RNF150: variants seen among roughly 807,000 people sequenced by gnomAD.
RNF150 encodes the protein ring finger protein 150.
A neutral mutation model predicts 39.3 loss-of-function variants in RNF150; 24 were observed. The observed-to-expected ratio is 0.61, with a 90% CI of 0.44 to 0.86. RNF150 has a LOEUF of 0.86. Ranked by LOEUF, RNF150 falls within the 40% of genes least tolerant of loss-of-function variation. The pLI, the probability that RNF150 is intolerant of heterozygous loss-of-function variation, is 0.00. For missense variants in RNF150, 502 were observed against 587.8 expected (o/e 0.85, Z 1.51); for synonymous variants, 255 against 227.3 (o/e 1.12, Z -1.10).
At chr4:140,900,658 CAA>C (rs1289132090) in intron 6 of RNF150, among the ~76,000 whole-genome samples, 3 of 152,086 alleles carry the variant, frequency 2.0e-5, no homozygotes, top group Admixed American at 2.0e-4. Flanking sequence ...TGGAAACTGA[CAA>C]AGATACCTTG....
intron 1 of RNF150, among the ~76,000 whole-genome samples, chr4:141,179,418 C>T (rs1297673835): frequency 6.6e-6 from 1 of 152,148 alleles, no homozygotes; most frequent in Non-Finnish European, 1.5e-5. Context: ...AAGAAAAGTT[C>T]ATTTGATTGT....
chr4:141,099,467 T>C (rs983671525), intron 1 of RNF150, among the ~76,000 whole-genome samples: 10 of 151,882 alleles, frequency 6.6e-5, no homozygotes, highest in African/African-American at 2.4e-4. Flanking sequence ...GGAAACAAAA[T>C]TGGACTCTGT....
intron 2 of RNF150, among the ~76,000 whole-genome samples, chr4:140,956,346 G>A (rs1490613869): frequency 1.3e-5 from 2 of 152,128 alleles, no homozygotes; most frequent in Non-Finnish European, 2.9e-5. Context: ...GCACCTCTAG[G>A]GAATGAGGGG....
Position 141,167,928 on chromosome 4 carries a change from C to T in RNF150, c.-6+44866G>A, listed in dbSNP as rs1578777279. 2.0e-5 allele frequency among the ~76,000 whole-genome samples: 3 copies of T among 152,166 alleles called. No individual in the cohort carries two copies. In the East Asian group the frequency reaches 5.8e-4, roughly 29 times the overall value. ...ACGCCAAAAGCAATGGCAACAAAAG[C>T]CAAAATTGACAAATGGGATCTAATT... On this transcript the variant is annotated intron_variant, in intron 1 of 7. Transcript: ENST00000420921.
intron 1 of RNF150, among the ~76,000 whole-genome samples, chr4:141,149,854 A>G (rs1727267906): frequency 1.3e-5 from 2 of 152,314 alleles, no homozygotes; most frequent in Middle Eastern, 3.4e-3. Flanking sequence ...TCCCACCAAC[A>G]TTGTAAAAGT....
chr4:140,913,250 ACT>A (rs1316167848), intron 5 of RNF150, among the ~76,000 whole-genome samples: 1 of 152,034 alleles, frequency 6.6e-6, no homozygotes, highest in African/African-American at 2.4e-5. Flanking sequence ...ACAGAGCAAG[ACT>A]CTGTCTCAAG....
At chr4:140,926,136 G>T in intron 4 of RNF150, 63 bp from the exon 5 acceptor site, 1 of 1,167,782 alleles carries the variant, frequency 8.6e-7, no homozygotes, top group Non-Finnish European at 1.3e-6. Context: ...GTCCACCATG[G>T]CCCAGGGACT....
chr4:140,971,932 T>C (rs183948023), intron 1 of RNF150, among the ~76,000 whole-genome samples: 1 of 152,154 alleles, frequency 6.6e-6, no homozygotes, highest in Non-Finnish European at 1.5e-5. Context: ...TGGGTTTGTT[T>C]GATCAAAAAT....
In RNF150 at chr4:140,859,854, G is replaced by A. The variant is rs1237426016; in HGVS notation, c.*8407C>T. The A allele has an allele frequency of 6.6e-6, 1 of 152,046 alleles. No individual in the cohort carries two copies. The highest frequency in any genetic ancestry group is 1.9e-4 in the East Asian group (1 of 5,196). 9.4% of individuals were successfully genotyped at this position (152,046 alleles called of 1,614,324 possible). A position where few individuals can be genotyped will look rare whatever the true frequency, so the allele number is the denominator to read the frequency against. On this transcript the variant is annotated 3_prime_UTR_variant, in exon 7 of 7. Coordinates refer to ENST00000515673, the MANE Select transcript of RNF150 (RefSeq NM_020724.2). ...ACAAAACCAAAAGAAATTTTGCAGT[G>A]AAATTTCCTGGAATTCACAACCCTC...
At chr4:140,896,727 A>AT (rs141539219) in intron 6 of RNF150, among the ~76,000 whole-genome samples, 2,369 of 121,192 alleles carry the variant, frequency 0.02, 116 homozygotes, top group African/African-American at 0.07. Flanking sequence ...CAAACAAAAA[A>AT]AAATAATTTT....
chr4:141,157,719 T>C (rs1727437674), intron 1 of RNF150, among the ~76,000 whole-genome samples: 1 of 152,196 alleles, frequency 6.6e-6, no homozygotes, highest in South Asian at 2.1e-4. Flanking sequence ...CACGATAACA[T>C]ATTACCACCT....
At chr4:140,907,685 A>G (rs1214042779) in intron 6 of RNF150, among the ~76,000 whole-genome samples, 1 of 152,184 alleles carries the variant, frequency 6.6e-6, no homozygotes, top group Non-Finnish European at 1.5e-5. Context: ...AACTGTGTTA[A>G]TTTTTCCCCC....
intron 1 of RNF150, among the ~76,000 whole-genome samples, chr4:141,091,638 G>T (rs1738585082): frequency 6.6e-6 from 1 of 152,156 alleles, no homozygotes; most frequent in Non-Finnish European, 1.5e-5. Flanking sequence ...CACAGGAGGG[G>T]GATCAAGTGT....
chr4:140,998,631 G>T (rs958885037), intron 1 of RNF150, among the ~76,000 whole-genome samples: 2 of 152,190 alleles, frequency 1.3e-5, no homozygotes, highest in Non-Finnish European at 2.9e-5. Flanking sequence ...GCTAAAGTGG[G>T]AGCTATGCTG....
chr4:140,952,546 C>T (rs529640905), intron 2 of RNF150, among the ~76,000 whole-genome samples: 3 of 152,262 alleles, frequency 2.0e-5, no homozygotes, highest in Admixed American at 6.5e-5. Context: ...AGAGAAAAAA[C>T]GCTTTCCACG....
At chr4:140,957,056 G>A (rs1410142454) in intron 2 of RNF150, among the ~76,000 whole-genome samples, 1 of 148,716 alleles carries the variant, frequency 6.7e-6, no homozygotes, top group African/African-American at 2.5e-5. Flanking sequence ...TTGACAAATG[G>A]GATCTAATTA....
At chr4:140,886,427 G>T (rs935395106) in intron 6 of RNF150, among the ~76,000 whole-genome samples, 1 of 152,042 alleles carries the variant, frequency 6.6e-6, no homozygotes, top group African/African-American at 2.4e-5. Flanking sequence ...AGTGACATAA[G>T]GCAGGTCACC....
chr4:140,899,431 C>G (rs797017462), intron 6 of RNF150, among the ~76,000 whole-genome samples: 16 of 152,304 alleles, frequency 1.1e-4, no homozygotes, highest in African/African-American at 3.4e-4. Flanking sequence ...CAGGTGGCAC[C>G]AGTTTGATAC....
chr4:140,876,797 G>C (rs1729172561), intron 6 of RNF150, among the ~76,000 whole-genome samples: 1 of 152,222 alleles, frequency 6.6e-6, no homozygotes, highest in Non-Finnish European at 1.5e-5. Flanking sequence ...TGCTCTTACA[G>C]ACAAGACTCA....
Sources: gnomAD v4.1 joint callset for allele counts (sites outside exome capture counted in the v4.1 genomes callset) on GRCh38, gnomAD v4.1.1 for gene constraint, MANE v1.5 for transcripts, NCBI Gene and HGNC (gene_info 2026-07-23, HGNC 2026-07-21) for gene names.